The following FAM135A variants were observed in gnomAD, a reference collection of about 807,000 sequenced individuals.
FAM135A encodes protein FAM135A.
Under a neutral mutation model 146.8 loss-of-function variants are expected in FAM135A, and 79 were observed. The observed-to-expected ratio is 0.54, with a 90% CI of 0.45 to 0.65. The LOEUF is 0.65. Among genes scored for constraint, FAM135A ranks in the 30% least tolerant of loss-of-function variants. The probability of loss-of-function intolerance (pLI) is 0.00; values close to 1 mark genes in which losing one functional copy is unlikely to be tolerated. For missense variants in FAM135A, 1,623 were observed against 1,758.2 expected, an observed-to-expected ratio of 0.92 and a Z score of 1.38; for synonymous variants, 562 against 603.6, an observed-to-expected ratio of 0.93 and a Z score of 1.01.
chr6:70,533,745 C>T lies in FAM135A; in HGVS notation c.3868-12C>T, dbSNP rs1286086163. On this transcript the variant is annotated splice_polypyrimidine_tract_variant and intron_variant, in intron 17 of 21. Transcript: ENST00000418814. ...TCCCAAATATAATGTATGTGCTTTG[C>T]TTTCTTTTTAGAATGATACTTTTGC... The T allele has an allele frequency of 2.0e-6, 3 of 1,511,466 alleles. No individual in the cohort carries two copies. The highest frequency in any genetic ancestry group is 2.7e-6 in the Non-Finnish European group (3 of 1,109,724). The allele number at this position is 1,511,466 out of a possible 1,614,324, so 93.6% of individuals were successfully genotyped here.
chr6:70,552,465 CTTTT>C (rs35509125), intron 20 of FAM135A, among the ~76,000 whole-genome samples: 3 of 96,816 alleles, frequency 3.1e-5, no homozygotes, highest in Admixed American at 1.1e-4. Flanking sequence ...GTTGAAGATT[CTTTT>C]TTTTTTTTTT....
Position 70,419,426 on chromosome 6 carries a change from A to C in FAM135A, c.-134+4050A>C, listed in dbSNP as rs796903936. Among the ~76,000 whole-genome samples the C allele has an allele frequency of 2.5e-3, 383 of 152,304 alleles. 18 individuals are homozygous for C. In the South Asian group the frequency reaches 0.077, roughly 31 times the overall value. ...AGAGCGAGACTTCGTCTCAAAAAAA[A>C]AAAAAAAGTATTCCTGTTTTGGGCT... On this transcript the variant is annotated intron_variant, in intron 2 of 21. Coordinates refer to ENST00000418814, the MANE Select transcript of FAM135A (RefSeq NM_001162529.3).
intron 5 of FAM135A, among the ~76,000 whole-genome samples, chr6:70,469,053 T>A (rs1453485463): frequency 1.3e-5 from 2 of 152,250 alleles, no homozygotes; most frequent in African/African-American, 4.8e-5. Flanking sequence ...TTTTCCTTTC[T>A]TTATTTTTCT....
intron 4 of FAM135A, among the ~76,000 whole-genome samples, chr6:70,428,662 T>G (rs998362320): frequency 2.6e-5 from 4 of 152,136 alleles, no homozygotes; most frequent in Non-Finnish European, 5.9e-5. Context: ...TGAGAGGACT[T>G]TACTGTAAAT....
intron 2 of FAM135A, among the ~76,000 whole-genome samples, chr6:70,421,627 A>G (rs898902827): frequency 6.6e-6 from 1 of 152,020 alleles, no homozygotes; most frequent in Non-Finnish European, 1.5e-5. Context: ...CCTGTTTGGG[A>G]TCCCCCTCTA....
intron 21 of FAM135A, 64 bp from the exon 22 acceptor site, chr6:70,559,652 C>T: frequency 7.6e-7 from 1 of 1,317,488 alleles, no homozygotes; most frequent in Non-Finnish European, 1.0e-6. Flanking sequence ...TAAAAATTGG[C>T]ATAGTTTTTT....
At chr6:70,495,492 A>G (rs1181333718) in intron 11 of FAM135A, among the ~76,000 whole-genome samples, 1 of 152,166 alleles carries the variant, frequency 6.6e-6, no homozygotes, top group Non-Finnish European at 1.5e-5. Context: ...AAGGTAAATG[A>G]AAGTGTGAGT....
At position 70,475,751 on chromosome 6, in the gene FAM135A, TA is replaced by T. The variant is rs759197824; in HGVS notation, c.368+24del. The T allele has an allele frequency of 6.3e-6, 10 of 1,576,040 alleles. No homozygotes were observed. Among genetic ancestry groups the T allele is most frequent in the Non-Finnish European group, 7.8e-6 (9 of 1,154,948 alleles). ...GATTATTCGTAAGTAGCTAATCAAT[TA>T]AAAAACCTTTAGGCACTTATGACTG... On this transcript the variant is annotated intron_variant, in intron 7 of 21. Coordinates refer to ENST00000418814, the MANE Select transcript of FAM135A (RefSeq NM_001162529.3).
Position 70,525,724 on chromosome 6 carries a change from A to G in FAM135A, c.2640A>G (p.Pro880=), listed in dbSNP as rs1224068668. The part of the protein sequence containing the change: ...TVLNLGTTDL[P]KCDDTKKSSI... ...TAAATCTAGGAACGACTGATTTGCC[A>G]AAATGTGATGATACTAAAAAGTCAA... The change falls in exon 15 of 22, where the codon CCA becomes CCG. Residue 880 remains proline (P), a synonymous_variant. Transcript: ENST00000418814. 1 of 1,613,124 alleles carries G rather than the reference A, an allele frequency of 6.2e-7. No individual in the cohort carries two copies. The highest frequency in any genetic ancestry group is 8.5e-7 in the Non-Finnish European group (1 of 1,179,610).
At position 70,548,439 on chromosome 6, in the gene FAM135A, A is replaced by G. The variant is rs554996872; in HGVS notation, c.4229-8311A>G. 1.4e-4 allele frequency among the ~76,000 whole-genome samples: 21 copies of G among 152,274 alleles called. 1 individual carries two copies. The East Asian group carries it at 4.0e-3, about 29-fold the overall frequency. On this transcript the variant is annotated intron_variant, in intron 20 of 21. Transcript: ENST00000418814. ...TCAGAATTTTTAAATTTATTTTATC[A>G]TCATGGAATCTGAGAGTGAAAGGGT...
rs9294869 is a variant in FAM135A, at chr6:70,417,680, T to C, written c.-134+2304T>C. ...TTTAGAGCAGTGTTAACTATGACACTTGCTCTTTGATGTCTTCAGATTGCC... is the reference window on the plus strand; with the variant it reads ...TTTAGAGCAGTGTTAACTATGACACCTGCTCTTTGATGTCTTCAGATTGCC... On this transcript the variant is annotated intron_variant, in intron 2 of 21. Transcript: ENST00000418814. 4,712 of 948,742 alleles carry C rather than the reference T, an allele frequency of 5.0e-3. 159 individuals carry two copies. The African/African-American group carries it at 0.077, about 16-fold the overall frequency. 58.8% of individuals were successfully genotyped at this position (948,742 alleles called of 1,614,324 possible).
At chr6:70,416,652 G>A (rs1276385860) in intron 2 of FAM135A, among the ~76,000 whole-genome samples, 1 of 152,144 alleles carries the variant, frequency 6.6e-6, no homozygotes, top group Non-Finnish European at 1.5e-5. Flanking sequence ...AAGGTGGGGT[G>A]TGGTGGCTCA....
intron 2 of FAM135A, chr6:70,417,475 A>G (rs1013641974): frequency 2.4e-6 from 1 of 410,258 alleles, no homozygotes; most frequent in African/African-American, 2.2e-5. Context: ...AGCCACCCAA[A>G]GTGCTGGGAT....
chr6:70,505,249 A>AC (rs763090933), intron 12 of FAM135A, among the ~76,000 whole-genome samples: 2 of 152,178 alleles, frequency 1.3e-5, no homozygotes, highest in Non-Finnish European at 2.9e-5. Context: ...AAAATTTTAT[A>AC]TTGACACAAT....
chr6:70,421,175 C>T (rs1004710359), intron 2 of FAM135A, among the ~76,000 whole-genome samples: 11 of 152,054 alleles, frequency 7.2e-5, no homozygotes, highest in Non-Finnish European at 1.5e-4. Flanking sequence ...TGAGCCACCA[C>T]GCCTGGCCCA....
In FAM135A at chr6:70,560,164, T is replaced by G; in HGVS notation, c.*243T>G. 1 of 389,302 alleles carries G rather than the reference T, an allele frequency of 2.6e-6. No individual in the cohort carries two copies. The highest frequency in any genetic ancestry group is 4.6e-6 in the Non-Finnish European group (1 of 216,278). 24.1% of individuals were successfully genotyped at this position (389,302 alleles called of 1,614,324 possible). ...TTTTCTATTACTTTTTCATATATTT[T>G]GCTACCTAAGTATTTCAGTGAAACT... On this transcript the variant is annotated 3_prime_UTR_variant, in exon 22 of 22. Coordinates refer to ENST00000418814, the MANE Select transcript of FAM135A (RefSeq NM_001162529.3).
chr6:70,525,333 G>T lies in FAM135A; in HGVS notation c.2249G>T (p.Gly750Val). 1 of 1,612,998 alleles carries T rather than the reference G, an allele frequency of 6.2e-7. No homozygotes were observed. The highest frequency in any genetic ancestry group is 1.1e-5 in the South Asian group (1 of 90,812). The change falls in exon 15 of 22, where the codon GGA becomes GTA. Residue 750 changes from glycine (G) to valine (V), a missense_variant. Coordinates refer to ENST00000418814, the MANE Select transcript of FAM135A (RefSeq NM_001162529.3). ...STKEYHVVVS[G>V]DTIKLPDISA... is the part of the protein sequence containing the mutation. ...AAAGAATATCATGTTGTAGTAAGTG[G>T]AGATACAATTAAGTTACCAGATATT... is the stretch of plus-strand genomic sequence containing the variant.
Position 70,526,199 on chromosome 6 carries a change from G to C in FAM135A, c.3115G>C (p.Val1039Leu). Residue 1039 changes from valine (V) to leucine (L), a missense_variant, in exon 15 of 22, where the codon GTG (valine) becomes CTG (leucine). Physicochemically the swap from Val to Leu is conservative, Grantham distance 32. This residue lies in a region of FAM135A where 1,061 missense variants were observed against 1,113.8 expected (regional missense o/e 0.95). Coordinates refer to ENST00000418814, the MANE Select transcript of FAM135A (RefSeq NM_001162529.3). ...TACTGATATAGTAAAGCAAGGGCTT[G>C]TGGAAAATTATTTTGGTTCTCAAAG... ...ASTDIVKQGL[V>L]ENYFGSQSST... 6.2e-7 allele frequency: 1 copy of C among 1,613,322 alleles called. No individual in the cohort carries two copies. Among genetic ancestry groups the C allele is most frequent in the Non-Finnish European group, 8.5e-7 (1 of 1,179,590 alleles).
chr6:70,519,930 GT>G (rs1312966777), intron 12 of FAM135A, among the ~76,000 whole-genome samples: 1 of 151,890 alleles, frequency 6.6e-6, no homozygotes, highest in Admixed American at 6.6e-5. Flanking sequence ...TAATAATTTA[GT>G]TGTGAATTTT....
Sources: gnomAD v4.1 joint callset for allele counts (sites outside exome capture counted in the v4.1 genomes callset) on GRCh38, gnomAD v4.1.1 for gene constraint, gnomAD v4.1.1 regional missense constraint, MANE v1.5 for transcripts, NCBI Gene and HGNC (gene_info 2026-07-23, HGNC 2026-07-21) for gene names.